Variants in HIVEP1 observed in about 807,000 individuals in gnomAD.
HIVEP1 encodes HIVEP zinc finger 1.
Under a neutral mutation model 180.0 loss-of-function variants are expected in HIVEP1, and 36 were observed. The ratio of observed to expected loss-of-function variants is 0.20; its 90% CI spans 0.15 to 0.26. The LOEUF (loss-of-function observed/expected upper bound fraction) is 0.26. Among genes scored for constraint, HIVEP1 ranks in the 10% least tolerant of loss-of-function variants. HIVEP1 has a pLI of 1.00. For missense variants in HIVEP1, 3,143 were observed against 3,268.7 expected (o/e 0.96, Z 0.94); for synonymous variants, 1,239 against 1,239.0 (o/e 1.00, Z 0.00).
chr6:12,141,691 C>CAACAAAAAAAAA (rs1759042578), intron 7 of HIVEP1, among the ~76,000 whole-genome samples: 1 of 19,238 alleles, frequency 5.2e-5, no homozygotes, highest in Non-Finnish European at 1.6e-4. Context: ...AAATGGAAAG[C>CAACAAAAAAAAA]AAAAAAAAAA....
chr6:12,132,398 T>C (rs192722778), intron 6 of HIVEP1, among the ~76,000 whole-genome samples: 4 of 152,200 alleles, frequency 2.6e-5, no homozygotes, highest in African/African-American at 9.6e-5. Context: ...AAGATCAAGA[T>C]ACAATGGGAA....
intron 2 of HIVEP1, among the ~76,000 whole-genome samples, chr6:12,054,652 G>T (rs1349846290): frequency 1.3e-5 from 2 of 151,990 alleles, no homozygotes; most frequent in Non-Finnish European, 2.9e-5. Flanking sequence ...TGTATCACAT[G>T]ACTTCACCAT....
the HIVEP1 span, among the ~76,000 whole-genome samples, chr6:12,211,278 T>G: frequency 0.054 from 3,844 of 71,838 alleles, 131 homozygotes; most frequent in Admixed American, 0.059. Context: ...CAGGTGCCTG[T>G]AGTCCCAGCT....
chr6:12,126,821 A>AT (rs200240583), intron 4 of HIVEP1, among the ~76,000 whole-genome samples: 157 of 152,220 alleles, frequency 1.0e-3, no homozygotes, highest in African/African-American at 3.2e-3. Flanking sequence ...AACTGTTCAA[A>AT]TTTTTTTTAA....
the HIVEP1 span, among the ~76,000 whole-genome samples, chr6:12,195,283 A>C: frequency 6.6e-6 from 1 of 152,182 alleles, no homozygotes; most frequent in South Asian, 2.1e-4. Flanking sequence ...AGCATCTAGA[A>C]CATTTCCTGG....
chr6:12,009,366 A>G (rs1279954616), upstream of HIVEP1, among the ~76,000 whole-genome samples: 1 of 152,152 alleles, frequency 6.6e-6, no homozygotes, highest in African/African-American at 2.4e-5. Flanking sequence ...CTTTTCAGTG[A>G]CACTATCCTC....
upstream of HIVEP1, among the ~76,000 whole-genome samples, chr6:12,011,846 A>T (rs1209130240): frequency 2.1e-5 from 3 of 141,140 alleles, no homozygotes; most frequent in Non-Finnish European, 4.7e-5. Context: ...CCCGGCCTCA[A>T]CCCCAGCCCC....
At chr6:12,147,443 T>C (rs1562000372) in intron 7 of HIVEP1, among the ~76,000 whole-genome samples, 1 of 152,374 alleles carries the variant, frequency 6.6e-6, no homozygotes, top group East Asian at 1.9e-4. Context: ...TCCTGGGTTA[T>C]GTTCTCAAAT....
chr6:12,090,337 G>A (rs537694423), intron 3 of HIVEP1, among the ~76,000 whole-genome samples: 1 of 152,218 alleles, frequency 6.6e-6, no homozygotes, highest in East Asian at 1.9e-4. Context: ...CCAGTTGAAA[G>A]CCGTTTTACA....
intron 7 of HIVEP1, among the ~76,000 whole-genome samples, chr6:12,157,787 C>T (rs1172127198): frequency 6.6e-6 from 1 of 152,042 alleles, no homozygotes; most frequent in Non-Finnish European, 1.5e-5. Context: ...TTCCGTTTAA[C>T]ATTTATTGTC....
chr6:12,022,696 G>C (rs1448339187), intron 2 of HIVEP1, among the ~76,000 whole-genome samples: 1 of 152,134 alleles, frequency 6.6e-6, no homozygotes, highest in African/African-American at 2.4e-5. Flanking sequence ...GTAAAAAACT[G>C]GTTTATGTCA....
intron 3 of HIVEP1, among the ~76,000 whole-genome samples, chr6:12,108,184 C>T (rs911912335): frequency 2.0e-5 from 3 of 152,200 alleles, no homozygotes; most frequent in African/African-American, 7.2e-5. Flanking sequence ...TTCACAAACC[C>T]TGAGCTAGAC....
At position 12,120,041 on chromosome 6, in the gene HIVEP1, A is replaced by C; in HGVS notation, c.246A>C (p.Ser82=). ...QAKHKQNTEE[S]SFAVLHSASE... ...AACATAAACAAAATACAGAAGAGTCATCTTTCGCCGTTCTTCATAGTGCTT... is the reference window on the plus strand; with the variant it reads ...AACATAAACAAAATACAGAAGAGTCCTCTTTCGCCGTTCTTCATAGTGCTT... Residue 82 remains serine, a synonymous_variant, in exon 4 of 9, where the codon TCA becomes TCC. Coordinates refer to ENST00000379388, the MANE Select transcript of HIVEP1 (RefSeq NM_002114.4). 1 of 1,613,160 alleles carries C rather than the reference A, an allele frequency of 6.2e-7. No homozygotes were observed. Among genetic ancestry groups the C allele is most frequent in the Non-Finnish European group, 8.5e-7 (1 of 1,179,772 alleles).
At chr6:12,034,501 C>T (rs73724342) in intron 2 of HIVEP1, among the ~76,000 whole-genome samples, 5,117 of 152,272 alleles carry the variant, frequency 0.034, 273 homozygotes, top group African/African-American at 0.12. Context: ...GTAGCCTCAG[C>T]GACCCTGACG....
intron 3 of HIVEP1, among the ~76,000 whole-genome samples, chr6:12,108,075 TAA>T (rs1175862893): frequency 6.6e-6 from 1 of 151,918 alleles, no homozygotes; most frequent in African/African-American, 2.4e-5. Context: ...TTGGGCTAGA[TAA>T]AGAGTGCCTA....
intron 2 of HIVEP1, among the ~76,000 whole-genome samples, chr6:12,040,695 A>G (rs1427353028): frequency 6.6e-6 from 1 of 152,218 alleles, no homozygotes; most frequent in Non-Finnish European, 1.5e-5. Flanking sequence ...ACATTGCTAT[A>G]AAGCAGTACC....
intron 3 of HIVEP1, among the ~76,000 whole-genome samples, chr6:12,118,848 A>T (rs773412075): frequency 1.3e-5 from 2 of 152,246 alleles, no homozygotes; most frequent in African/African-American, 4.8e-5. Flanking sequence ...TGCTCTAGAA[A>T]TTATATTAGC....
upstream of HIVEP1, chr6:12,007,764 AC>A: frequency 6.7e-6 from 1 of 149,362 alleles, no homozygotes; most frequent in Non-Finnish European, 1.5e-5. Flanking sequence ...CTGAGAACTC[AC>A]CCCCAGGATG....
At chr6:12,073,722 C>G (rs1416170691) in intron 2 of HIVEP1, among the ~76,000 whole-genome samples, 1 of 152,134 alleles carries the variant, frequency 6.6e-6, no homozygotes, top group Non-Finnish European at 1.5e-5. Flanking sequence ...CTCATATAGG[C>G]TATTCTGCCA....
Sources: allele counts gnomAD v4.1 joint callset (sites outside exome capture counted in the v4.1 genomes callset), GRCh38; gene constraint gnomAD v4.1.1; transcripts MANE v1.5; gene names NCBI Gene and HGNC (gene_info 2026-07-23, HGNC 2026-07-21).